Variants in SLC49A4 observed in about 807,000 individuals in gnomAD.
SLC49A4 encodes disrupted in renal cancer protein 2.
SLC49A4 carries 36 observed loss-of-function variants against 50.6 expected under a neutral mutation model. That is an observed-to-expected ratio of 0.71 (90% CI 0.55 to 0.94). The LOEUF is 0.94. Among genes scored for constraint, SLC49A4 ranks in the 40% least tolerant of loss-of-function variants. The pLI, the probability that SLC49A4 is intolerant of heterozygous loss-of-function variation, is 0.00. For synonymous variants in SLC49A4, 248 were observed against 241.2 expected (o/e 1.03, Z -0.26); for missense variants, 503 against 605.7 (o/e 0.83, Z 1.78).
At chr3:122,869,195 T>C (rs1325957599) in intron 7 of SLC49A4, among the ~76,000 whole-genome samples, 1 of 151,600 alleles carries the variant, frequency 6.6e-6, no homozygotes, top group African/African-American at 2.4e-5. Flanking sequence ...AAAAAGAGTA[T>C]AGAGTGAAAA....
intron 8 of SLC49A4, among the ~76,000 whole-genome samples, chr3:122,876,802 C>G (rs1937273043): frequency 6.6e-6 from 1 of 152,192 alleles, no homozygotes; most frequent in East Asian, 1.9e-4. Flanking sequence ...CCAATTAATT[C>G]AGTCCCAACA....
At chr3:122,819,124 A>G (rs948260534) in intron 2 of SLC49A4, among the ~76,000 whole-genome samples, 1 of 151,822 alleles carries the variant, frequency 6.6e-6, no homozygotes, top group African/African-American at 2.4e-5. Context: ...GTGTGCCTGT[A>G]GTCCCAGCTA....
At chr3:122,820,129 A>G (rs1936430724) in intron 2 of SLC49A4, among the ~76,000 whole-genome samples, 1 of 152,202 alleles carries the variant, frequency 6.6e-6, no homozygotes, top group South Asian at 2.1e-4. Context: ...AATATTCTGT[A>G]CTGTGTGCCT....
At chr3:122,875,951 G>A (rs1211981199) in intron 8 of SLC49A4, among the ~76,000 whole-genome samples, 1 of 152,190 alleles carries the variant, frequency 6.6e-6, no homozygotes, top group Non-Finnish European at 1.5e-5. Flanking sequence ...GGAGCCCTGG[G>A]TCACAGGGTC....
chr3:122,827,181 A>G, intron 3 of SLC49A4, 116 bp downstream of exon 3: 3 of 1,110,888 alleles, frequency 2.7e-6, no homozygotes, highest in Non-Finnish European at 3.8e-6. Context: ...ACTAATATGT[A>G]AATTTACATG....
At chr3:122,876,941 G>A (rs74901894) in intron 8 of SLC49A4, among the ~76,000 whole-genome samples, 6,059 of 152,264 alleles carry the variant, frequency 0.04, 149 homozygotes, top group Middle Eastern at 0.082. Context: ...GAAGTATGGG[G>A]CAGACTGTAG....
intron 2 of SLC49A4, among the ~76,000 whole-genome samples, chr3:122,817,884 C>A (rs979882391): frequency 6.6e-5 from 10 of 150,856 alleles, no homozygotes; most frequent in African/African-American, 2.4e-4. Context: ...TGTGCACCAC[C>A]TTGCCCAGTG....
chr3:122,844,117 T>C (rs1936816677), intron 4 of SLC49A4, among the ~76,000 whole-genome samples: 1 of 152,206 alleles, frequency 6.6e-6, no homozygotes, highest in African/African-American at 2.4e-5. Context: ...CATAAAATAG[T>C]CTAAGCTTAA....
intron 4 of SLC49A4, among the ~76,000 whole-genome samples, chr3:122,837,583 C>T (rs374928624): frequency 2.6e-5 from 4 of 152,086 alleles, no homozygotes; most frequent in Non-Finnish European, 2.9e-5. Flanking sequence ...AAGACTTAAA[C>T]GTTAGACCTA....
intron 1 of SLC49A4, among the ~76,000 whole-genome samples, chr3:122,804,496 TG>T (rs1338841454): frequency 2.6e-5 from 4 of 152,202 alleles, no homozygotes; most frequent in Non-Finnish European, 5.9e-5. Context: ...TTTGATTACA[TG>T]GAATTATAGA....
At chr3:122,845,575 G>A (rs974063233) in intron 4 of SLC49A4, among the ~76,000 whole-genome samples, 188 bp from the exon 5 acceptor site, 1 of 144,348 alleles carries the variant, frequency 6.9e-6, no homozygotes, top group African/African-American at 2.6e-5. Flanking sequence ...CAGTATATAT[G>A]CGTTTCCTTT....
At position 122,803,482 on chromosome 3, in the gene SLC49A4, C is replaced by G. The variant is rs150604225; in HGVS notation, c.344-3375C>G. Among the ~76,000 whole-genome samples the G allele has an allele frequency of 7.3e-3, 1,105 of 152,248 alleles. 7 individuals carry two copies. The highest frequency in any genetic ancestry group is 0.012 in the Admixed American group (178 of 15,296). Reference sequence around the variant, plus strand: ...CCTGTGAATCTTGAATCTTTTGTGTCTGATTTAAACAGGAAAAACAGGCAT... The same window carrying G: ...CCTGTGAATCTTGAATCTTTTGTGTGTGATTTAAACAGGAAAAACAGGCAT... On this transcript the variant is annotated intron_variant, in intron 1 of 8. Coordinates refer to ENST00000261038, the MANE Select transcript of SLC49A4 (RefSeq NM_032839.3).
chr3:122,804,512 T>G (rs989132817), intron 1 of SLC49A4, among the ~76,000 whole-genome samples: 1 of 152,246 alleles, frequency 6.6e-6, no homozygotes. Flanking sequence ...TATAGAGTTA[T>G]GCCTTGTCAG....
At chr3:122,804,967 T>C (rs1377280976) in intron 1 of SLC49A4, among the ~76,000 whole-genome samples, 1 of 152,218 alleles carries the variant, frequency 6.6e-6, no homozygotes, top group Non-Finnish European at 1.5e-5. Flanking sequence ...ACTGCTTGCT[T>C]AGTGTCTGCT....
chr3:122,881,001 C>G lies in SLC49A4; in HGVS notation c.*1623C>G, dbSNP rs1160915604. On this transcript the variant is annotated 3_prime_UTR_variant, in exon 9 of 9. Transcript: ENST00000261038. ...GTCTTCAGTCATCTTTAAATCGTCTCTCTTTATAAACACTCTGCTCACTTA... is the reference window on the plus strand; with the variant it reads ...GTCTTCAGTCATCTTTAAATCGTCTGTCTTTATAAACACTCTGCTCACTTA... The G allele has an allele frequency of 2.0e-5, 3 of 152,310 alleles. No homozygotes were observed. The highest frequency in any genetic ancestry group is 7.2e-5 in the African/African-American group (3 of 41,562). 9.4% of individuals were successfully genotyped at this position (152,310 alleles called of 1,614,324 possible).
chr3:122,848,593 C>T (rs976070303), intron 5 of SLC49A4, among the ~76,000 whole-genome samples: 1 of 152,034 alleles, frequency 6.6e-6, no homozygotes, highest in Non-Finnish European at 1.5e-5. Flanking sequence ...GCAAAGATAC[C>T]TTCTATGTGT....
intron 4 of SLC49A4, among the ~76,000 whole-genome samples, chr3:122,838,970 A>G (rs994760383): frequency 4.6e-5 from 7 of 152,284 alleles, no homozygotes; most frequent in African/African-American, 1.4e-4. Context: ...GAGGCATCAC[A>G]TTACCTGACT....
intron 2 of SLC49A4, among the ~76,000 whole-genome samples, chr3:122,820,283 T>C (rs1312298783): frequency 2.6e-5 from 4 of 152,252 alleles, no homozygotes; most frequent in Non-Finnish European, 5.9e-5. Context: ...TAGTTCTGGC[T>C]GAGCCATTAG....
At chr3:122,864,320 T>G (rs1937090190) in intron 7 of SLC49A4, among the ~76,000 whole-genome samples, 1 of 152,204 alleles carries the variant, frequency 6.6e-6, no homozygotes, top group South Asian at 2.1e-4. Flanking sequence ...AACACGAGTT[T>G]CAAAATCTTG....
Sources: allele counts gnomAD v4.1 joint callset (sites outside exome capture counted in the v4.1 genomes callset), GRCh38; gene constraint gnomAD v4.1.1; transcripts MANE v1.5; gene names NCBI Gene and HGNC (gene_info 2026-07-23, HGNC 2026-07-21).